The following CBX3 variants were observed in gnomAD, a reference collection of about 807,000 sequenced individuals.
The protein encoded by CBX3 is chromobox protein homolog 3.
Under a neutral mutation model 22.6 loss-of-function variants are expected in CBX3, and 5 were observed. That is an observed-to-expected ratio of 0.22 (90% CI 0.12 to 0.47). The LOEUF (loss-of-function observed/expected upper bound fraction) is 0.47. CBX3 is among the 20% of genes least tolerant of loss of function. The pLI, the probability that CBX3 is intolerant of heterozygous loss-of-function variation, is 0.99. For synonymous variants in CBX3, 50 were observed against 66.6 expected, an observed-to-expected ratio of 0.75 and a Z score of 1.21; for missense variants, 83 against 208.1, an observed-to-expected ratio of 0.40 and a Z score of 3.70.
intron 3 of CBX3, among the ~76,000 whole-genome samples, 161 bp downstream of exon 3, chr7:26,206,671 A>T (rs1461993104): frequency 6.6e-6 from 1 of 152,250 alleles, no homozygotes; most frequent in Non-Finnish European, 1.5e-5. Flanking sequence ...TTTCAAAAGA[A>T]CCAAGACTTT....
chr7:26,204,024 C>T (rs1204929759), intron 2 of CBX3, among the ~76,000 whole-genome samples: 2 of 152,190 alleles, frequency 1.3e-5, no homozygotes, highest in East Asian at 1.9e-4. Flanking sequence ...AAGTTCTTAA[C>T]TTTCCATTTT....
rs1784807619 is a variant in CBX3, at chr7:26,211,825, T to C, written c.425+69T>C. Reference sequence around the variant, plus strand: ...TTTTTTTTTAATTTGTGAAATGGTTTTTCATCATTAGGTAGGGAAAAACTA... The same window carrying C: ...TTTTTTTTTAATTTGTGAAATGGTTCTTCATCATTAGGTAGGGAAAAACTA... On this transcript the variant is annotated intron_variant, in intron 5 of 5. Coordinates refer to ENST00000396386, the MANE Select transcript of CBX3 (RefSeq NM_016587.4). The C allele has an allele frequency of 6.6e-6, 8 of 1,208,164 alleles. No individual in the cohort carries two copies. In the East Asian group the frequency reaches 2.0e-4, roughly 30 times the overall value. The allele number at this position is 1,208,164 out of a possible 1,614,324, so 74.8% of individuals were successfully genotyped here. A position where few individuals can be genotyped will look rare whatever the true frequency, so the allele number is the denominator to read the frequency against.
intron 4 of CBX3, 108 bp downstream of exon 4, chr7:26,208,663 C>G: frequency 2.9e-6 from 3 of 1,041,442 alleles, no homozygotes; most frequent in Admixed American, 2.4e-5. Context: ...TCTTGTCGCC[C>G]AGGCTGGAGT....
intron 2 of CBX3, among the ~76,000 whole-genome samples, chr7:26,203,349 T>G (rs141024126): frequency 6.6e-6 from 1 of 152,330 alleles, no homozygotes; most frequent in East Asian, 1.9e-4. Flanking sequence ...AAGCCCTTGT[T>G]GGTTGGCATA....
intron 4 of CBX3, among the ~76,000 whole-genome samples, chr7:26,209,670 T>C (rs372947795): frequency 6.6e-6 from 1 of 152,210 alleles, no homozygotes; most frequent in African/African-American, 2.4e-5. Flanking sequence ...TCACTATACA[T>C]GTGTTTTGGT....
At chr7:26,212,034 C>T in intron 5 of CBX3, 48 bp from the exon 6 acceptor site, 1 of 1,454,896 alleles carries the variant, frequency 6.9e-7, no homozygotes, top group Non-Finnish European at 9.1e-7. Context: ...TGTCGGTTGA[C>T]ATGAACAACT....
intron 2 of CBX3, among the ~76,000 whole-genome samples, chr7:26,203,263 T>C (rs1178858224): frequency 6.6e-6 from 1 of 152,234 alleles, no homozygotes; most frequent in African/African-American, 2.4e-5. Context: ...GCAATGTGGA[T>C]TTTGCTGAGG....
intron 1 of CBX3, 35 bp from the exon 2 acceptor site, chr7:26,202,936 T>C (rs1784583146): frequency 1.0e-5 from 14 of 1,360,258 alleles, no homozygotes; most frequent in Non-Finnish European, 1.4e-5. Context: ...TTTTGTGTCA[T>C]GCAAACTTAC....
intron 2 of CBX3, 37 bp downstream of exon 2, chr7:26,203,059 A>C: frequency 6.5e-7 from 1 of 1,527,548 alleles, no homozygotes; most frequent in South Asian, 1.1e-5. Context: ...TAAGGATTTA[A>C]CTCAAGTTTT....
chr7:26,203,980 T>C (rs1273770164), intron 2 of CBX3, among the ~76,000 whole-genome samples: 1 of 152,238 alleles, frequency 6.6e-6, no homozygotes, highest in Non-Finnish European at 1.5e-5. Flanking sequence ...GTATTTAGTT[T>C]ATTTTGTGAA....
At position 26,213,038 on chromosome 7, in the gene CBX3, T is replaced by TAAA. The variant is rs1271142941; in HGVS notation, c.*832_*834dup. 5.3e-5 allele frequency: 8 copies of TAAA among 152,292 alleles called. No homozygotes were observed. The highest frequency in any genetic ancestry group is 1.7e-4 in the African/African-American group (7 of 41,480). The allele number at this position is 152,292 out of a possible 1,614,324, so 9.4% of individuals were successfully genotyped here. On this transcript the variant is annotated 3_prime_UTR_variant, in exon 6 of 6. Transcript: ENST00000396386. ...TTGGAATCCCTGTTGCTACATTGAC[T>TAAA]AAAAGGTCATGATGAATGGAATATG...
Position 26,213,529 on chromosome 7 carries a change from T to C in CBX3, c.*1321T>C, listed in dbSNP as rs1038261658. Among the ~76,000 whole-genome samples the C allele has an allele frequency of 6.6e-6, 1 of 152,188 alleles. No homozygotes were observed. The highest frequency in any genetic ancestry group is 2.4e-5 in the African/African-American group (1 of 41,436). On this transcript the variant is annotated 3_prime_UTR_variant, in exon 6 of 6. Transcript: ENST00000396386. ...ACTTGAATATGTATTTCCACAGGAA[T>C]GTTTCCACAGTTGGGAAATAAAAGT...
chr7:26,207,818 A>G (rs1203655731), intron 3 of CBX3, among the ~76,000 whole-genome samples: 1 of 151,892 alleles, frequency 6.6e-6, no homozygotes, highest in African/African-American at 2.4e-5. Context: ...GTGCCAGGCC[A>G]AAGAAGACTT....
In CBX3 at chr7:26,203,034, A is replaced by G; in HGVS notation, c.24+12A>G. Reference sequence around the variant, plus strand: ...ACAAAACTACATTGGTAAGTTAATGAAAACCTAAAATATGTAAGGATTTAA... The same window carrying G: ...ACAAAACTACATTGGTAAGTTAATGGAAACCTAAAATATGTAAGGATTTAA... On this transcript the variant is annotated intron_variant, in intron 2 of 5. Coordinates refer to ENST00000396386, the MANE Select transcript of CBX3 (RefSeq NM_016587.4). 1 of 1,596,266 alleles carries G rather than the reference A, an allele frequency of 6.3e-7. No homozygotes were observed. Among genetic ancestry groups the G allele is most frequent in the South Asian group, 1.1e-5 (1 of 90,572 alleles).
chr7:26,203,491 T>C (rs577463112), intron 2 of CBX3, among the ~76,000 whole-genome samples: 2 of 152,256 alleles, frequency 1.3e-5, no homozygotes, highest in Non-Finnish European at 2.9e-5. Flanking sequence ...CACTTTATCT[T>C]GTTTTAACTT....
chr7:26,201,715 G>T (rs1363287376), upstream of CBX3: 1 of 107,022 alleles, frequency 9.3e-6, no homozygotes, highest in Non-Finnish European at 2.0e-5. Context: ...CCCCCCGGCG[G>T]CCCCGCGCGC....
chr7:26,210,702 A>G (rs753098834), intron 4 of CBX3: 3 of 152,252 alleles, frequency 2.0e-5, no homozygotes, highest in Non-Finnish European at 4.4e-5. Flanking sequence ...AGTAGAAATT[A>G]AAACAAATTT....
intron 4 of CBX3, chr7:26,210,491 G>A (rs1157509281): frequency 1.3e-5 from 2 of 152,126 alleles, no homozygotes; most frequent in African/African-American, 2.4e-5. Context: ...TCGTAAGTGG[G>A]GTAGGTCCAT....
intron 2 of CBX3, 46 bp from the exon 3 acceptor site, chr7:26,206,322 A>G: frequency 7.5e-7 from 1 of 1,330,824 alleles, no homozygotes. Flanking sequence ...AATGTGCTCA[A>G]AATTCAAGAG....
Sources: allele counts gnomAD v4.1 joint callset (sites outside exome capture counted in the v4.1 genomes callset), GRCh38; gene constraint gnomAD v4.1.1; transcripts MANE v1.5; gene names NCBI Gene and HGNC (gene_info 2026-07-23, HGNC 2026-07-21).